FTCDNL1: variants seen among roughly 807,000 people sequenced by gnomAD.
FTCDNL1 encodes formiminotransferase cyclodeaminase N-terminal like.
FTCDNL1 carries 11 observed loss-of-function variants against 5.9 expected under a neutral mutation model. The observed-to-expected ratio is 1.87, with a 90% CI of 1.18 to 3.10. FTCDNL1 has a LOEUF of 3.10. FTCDNL1 is among the 30% of genes most tolerant of loss of function. The pLI, the probability that FTCDNL1 is intolerant of heterozygous loss-of-function variation, is 0.00. For synonymous variants in FTCDNL1, 58 were observed against 24.8 expected (o/e 2.34, Z -3.99); for missense variants, 115 against 65.5 (o/e 1.76, Z -2.61).
chr2:199,807,537 T>C (rs976469470), downstream of FTCDNL1, among the ~76,000 whole-genome samples: 3 of 152,098 alleles, frequency 2.0e-5, no homozygotes, highest in African/African-American at 4.8e-5. Context: ...CTCAGGAGGC[T>C]GAGGTAGGAG....
chr2:199,691,986 A>G, the FTCDNL1 span, among the ~76,000 whole-genome samples: 1 of 152,244 alleles, frequency 6.6e-6, no homozygotes, highest in African/African-American at 2.4e-5. Context: ...AATAGCTTCT[A>G]TTAAAATATA....
At chr2:199,744,405 G>A in the FTCDNL1 span, among the ~76,000 whole-genome samples, 14 of 152,008 alleles carry the variant, frequency 9.2e-5, no homozygotes, top group African/African-American at 3.4e-4. Flanking sequence ...ACGTGCTCTC[G>A]TGTGCTCTCT....
At position 199,811,519 on chromosome 2, in the gene FTCDNL1, T is replaced by C. The variant is rs1000407729; in HGVS notation, c.*1186A>G. Among the ~76,000 whole-genome samples, 5 of 152,134 alleles carry C rather than the reference T, an allele frequency of 3.3e-5. No individual in the cohort carries two copies. Among genetic ancestry groups the C allele is most frequent in the Admixed American group, 2.6e-4 (4 of 15,270 alleles). On this transcript the variant is annotated 3_prime_UTR_variant, in exon 5 of 5. Transcript: ENST00000420128. ...CTATTCAAAATCCTTACCAGGCCTG[T>C]AGTGCTTCACCATTACGCTTTGCTG...
At chr2:199,848,338 T>C (rs2076784335) in intron 2 of FTCDNL1, among the ~76,000 whole-genome samples, 1 of 152,230 alleles carries the variant, frequency 6.6e-6, no homozygotes, top group Non-Finnish European at 1.5e-5. Flanking sequence ...CCTAACAGTG[T>C]CTATACAGAG....
the FTCDNL1 span, among the ~76,000 whole-genome samples, chr2:199,719,405 C>T: frequency 6.6e-6 from 1 of 152,082 alleles, no homozygotes; most frequent in South Asian, 2.1e-4. Context: ...TATATCACTA[C>T]CATGCTGTTT....
chr2:199,836,623 C>G (rs1702761737), intron 3 of FTCDNL1, among the ~76,000 whole-genome samples: 1 of 152,078 alleles, frequency 6.6e-6, no homozygotes, highest in Admixed American at 6.6e-5. Flanking sequence ...AAAAATTAAC[C>G]AGGCATGGTG....
At chr2:199,761,109 A>C (rs1043130233) in intron 3 of FTCDNL1, among the ~76,000 whole-genome samples, 1 of 152,200 alleles carries the variant, frequency 6.6e-6, no homozygotes, top group Admixed American at 6.5e-5. Context: ...ATGTTCCATC[A>C]GTTTCTTGCC....
chr2:199,752,396 T>C, the FTCDNL1 span, among the ~76,000 whole-genome samples: 1 of 152,238 alleles, frequency 6.6e-6, no homozygotes, highest in Non-Finnish European at 1.5e-5. Flanking sequence ...CCCAGATATG[T>C]GGTCAAACAT....
intron 3 of FTCDNL1, among the ~76,000 whole-genome samples, chr2:199,770,705 A>G (rs910779048): frequency 2.0e-5 from 3 of 152,214 alleles, no homozygotes; most frequent in Admixed American, 6.5e-5. Flanking sequence ...GAAGGGGAGA[A>G]TAGAGCCCTT....
At chr2:199,782,679 G>A (rs568906275) in intron 3 of FTCDNL1, among the ~76,000 whole-genome samples, 61 of 152,320 alleles carry the variant, frequency 4.0e-4, no homozygotes, top group African/African-American at 1.3e-3. Context: ...TGGTCTCCAC[G>A]TATCCTCCTA....
intron 4 of FTCDNL1, among the ~76,000 whole-genome samples, chr2:199,813,816 C>T (rs1574593255): frequency 1.4e-5 from 2 of 146,840 alleles, no homozygotes; most frequent in African/African-American, 5.1e-5. Context: ...GAGGCTGAGG[C>T]AGGAGAATCA....
chr2:199,754,725 CA>C, the FTCDNL1 span, among the ~76,000 whole-genome samples: 142 of 152,186 alleles, frequency 9.3e-4, no homozygotes, highest in Non-Finnish European at 1.5e-3. Flanking sequence ...ACGTTGTTCA[CA>C]GATTGGGGGC....
At chr2:199,777,051 G>A (rs1017883945) in intron 3 of FTCDNL1, among the ~76,000 whole-genome samples, 7 of 151,140 alleles carry the variant, frequency 4.6e-5, no homozygotes, top group African/African-American at 1.5e-4. Context: ...CCAGCACTTC[G>A]GGAGGCCGAG....
At chr2:199,736,382 C>A in the FTCDNL1 span, among the ~76,000 whole-genome samples, 5 of 152,200 alleles carry the variant, frequency 3.3e-5, no homozygotes, top group Non-Finnish European at 5.9e-5. Context: ...AGTTTGCACT[C>A]TGGCCTCCAA....
the FTCDNL1 span, among the ~76,000 whole-genome samples, chr2:199,750,698 C>T: frequency 2.6e-5 from 4 of 152,284 alleles, no homozygotes; most frequent in South Asian, 4.2e-4. Flanking sequence ...CTGAAGACTC[C>T]GCCATGGATG....
At chr2:199,805,506 GGGCA>G (rs1700676217), downstream of FTCDNL1, among the ~76,000 whole-genome samples, 1 of 151,988 alleles carries the variant, frequency 6.6e-6, no homozygotes, top group East Asian at 1.9e-4. Context: ...TGGGAGGCCG[GGGCA>G]GGCGGATCAC....
chr2:199,849,087 A>G, intron 1 of FTCDNL1, 118 bp from the exon 2 acceptor site: 1 of 603,264 alleles, frequency 1.7e-6, no homozygotes, highest in Non-Finnish European at 2.9e-6. Flanking sequence ...GCACTTTACT[A>G]TTTCATTCCT....
At chr2:199,756,550 A>G (rs945951110), downstream of FTCDNL1, among the ~76,000 whole-genome samples, 3 of 152,200 alleles carry the variant, frequency 2.0e-5, no homozygotes, top group Non-Finnish European at 4.4e-5. Flanking sequence ...ACCTGGCCAA[A>G]TACACATTAG....
intron 2 of FTCDNL1, among the ~76,000 whole-genome samples, chr2:199,848,322 C>T (rs2076783874): frequency 1.3e-5 from 2 of 152,182 alleles, no homozygotes; most frequent in South Asian, 4.1e-4. Flanking sequence ...CATTTAAATG[C>T]ACTTGCCTAA....
Sources: allele counts gnomAD v4.1 joint callset (sites outside exome capture counted in the v4.1 genomes callset), GRCh38; gene constraint gnomAD v4.1.1; transcripts MANE v1.5; gene names NCBI Gene and HGNC (gene_info 2026-07-23, HGNC 2026-07-21).